Variants in IL1RAPL2 observed in about 807,000 individuals in gnomAD.
IL1RAPL2 encodes interleukin 1 receptor accessory protein like 2.
Under a neutral mutation model 44.1 loss-of-function variants are expected in IL1RAPL2, and 3 were observed. The observed-to-expected ratio is 0.07, with a 90% CI of 0.03 to 0.18. The LOEUF is 0.18. Ranked by LOEUF, IL1RAPL2 falls within the 10% of genes least tolerant of loss-of-function variation. The pLI is 1.00. For synonymous variants in IL1RAPL2, 181 were observed against 178.8 expected (o/e 1.01, Z -0.10); for missense variants, 391 against 496.4 (o/e 0.79, Z 2.02).
intron 5 of IL1RAPL2, among the ~76,000 whole-genome samples, chrX:105,447,670 T>TAA (rs1204478989): frequency 1.2e-5 from 1 of 80,531 alleles, no homozygotes; most frequent in African/African-American, 5.1e-5. Flanking sequence ...AATATAAATA[T>TAA]ATATAAATAT....
At position 104,784,583 on chromosome X, in the gene IL1RAPL2, G is replaced by A. The variant is rs768049615; in HGVS notation, c.82+125588G>A. 3.6e-5 allele frequency among the ~76,000 whole-genome samples: 4 copies of A among 110,852 alleles called. No individual in the cohort carries two copies. The East Asian group carries it at 1.1e-3, about 31-fold the overall frequency. Reference sequence around the variant, plus strand: ...GTTCAATATATAGTTAATGCTGGTGGAAGCTTCTGAGTAGAAGGTAGACTC... The same window carrying A: ...GTTCAATATATAGTTAATGCTGGTGAAAGCTTCTGAGTAGAAGGTAGACTC... On this transcript the variant is annotated intron_variant, in intron 2 of 10. Transcript: ENST00000372582.
intron 2 of IL1RAPL2, among the ~76,000 whole-genome samples, chrX:104,950,340 G>A (rs898063790): frequency 7.1e-5 from 8 of 112,270 alleles, no homozygotes; most frequent in Admixed American, 1.9e-4. Context: ...ATCTCCAGCT[G>A]CGTGCTGGGA....
chrX:105,736,207 A>G (rs2038447254), intron 7 of IL1RAPL2, among the ~76,000 whole-genome samples: 1 of 111,609 alleles, frequency 9.0e-6, no homozygotes, highest in Admixed American at 9.6e-5. Context: ...TACACCATAT[A>G]CAAAGATCAA....
At chrX:105,092,320 T>G (rs1431452280) in intron 2 of IL1RAPL2, among the ~76,000 whole-genome samples, 1 of 111,588 alleles carries the variant, frequency 9.0e-6, no homozygotes, top group Non-Finnish European at 1.9e-5. Flanking sequence ...GCTATCATAC[T>G]CATAGTTATG....
chrX:105,344,976 T>C (rs756439489), intron 5 of IL1RAPL2, among the ~76,000 whole-genome samples: 9 of 111,849 alleles, frequency 8.0e-5, no homozygotes, highest in Non-Finnish European at 1.5e-4. Flanking sequence ...AAAGATGGCT[T>C]TCCCCTCGAA....
At chrX:104,573,431 TA>T (rs778587704) in intron 1 of IL1RAPL2, among the ~76,000 whole-genome samples, 10 of 112,329 alleles carry the variant, frequency 8.9e-5, no homozygotes, top group Non-Finnish European at 1.7e-4. Flanking sequence ...GAGTAAGTTC[TA>T]CTGGACAGCA....
chrX:105,647,317 C>T (rs928556734), intron 6 of IL1RAPL2, among the ~76,000 whole-genome samples: 1 of 111,669 alleles, frequency 9.0e-6, no homozygotes, highest in African/African-American at 3.3e-5. Context: ...TATGCAGTTT[C>T]AAGATTTAAT....
chrX:105,628,046 G>C (rs2037465622), intron 6 of IL1RAPL2, among the ~76,000 whole-genome samples: 1 of 111,615 alleles, frequency 9.0e-6, no homozygotes, highest in African/African-American at 3.3e-5. Context: ...GGATGAGGTG[G>C]GGATGGGAGG....
chrX:104,837,549 C>A (rs1457617770), intron 2 of IL1RAPL2, among the ~76,000 whole-genome samples: 1 of 111,654 alleles, frequency 9.0e-6, no homozygotes, highest in Non-Finnish European at 1.9e-5. Context: ...CTGTTCATAT[C>A]CTTTGCCCAC....
At chrX:104,674,765 C>G (rs1425227532) in intron 2 of IL1RAPL2, among the ~76,000 whole-genome samples, 2 of 110,548 alleles carry the variant, frequency 1.8e-5, no homozygotes, top group Admixed American at 9.6e-5. Context: ...ATTATTGCCA[C>G]AATTTCAGAT....
chrX:104,674,455 T>G (rs1483089426), intron 2 of IL1RAPL2, among the ~76,000 whole-genome samples: 1 of 112,033 alleles, frequency 8.9e-6, no homozygotes, highest in Non-Finnish European at 1.9e-5. Flanking sequence ...GCCCACTTGA[T>G]CATGGTGGAT....
At chrX:105,600,239 T>A (rs1355969870) in intron 6 of IL1RAPL2, among the ~76,000 whole-genome samples, 1 of 111,094 alleles carries the variant, frequency 9.0e-6, no homozygotes, top group Non-Finnish European at 1.9e-5. Context: ...TTGTTTACAG[T>A]TTATCAATAT....
intron 8 of IL1RAPL2, among the ~76,000 whole-genome samples, chrX:105,745,125 C>T (rs942282037): frequency 1.8e-5 from 2 of 111,318 alleles, no homozygotes; most frequent in Admixed American, 9.6e-5. Flanking sequence ...GGGGCCTGTT[C>T]CTCATTTTTG....
chrX:104,990,122 A>G (rs900760900), intron 2 of IL1RAPL2, among the ~76,000 whole-genome samples: 8 of 112,032 alleles, frequency 7.1e-5, no homozygotes, highest in Middle Eastern at 4.2e-3. Context: ...GCCCTATTAA[A>G]TCCTACCTCT....
intron 2 of IL1RAPL2, among the ~76,000 whole-genome samples, chrX:104,947,186 A>G (rs1250690389): frequency 8.9e-6 from 1 of 111,775 alleles, no homozygotes; most frequent in African/African-American, 3.3e-5. Context: ...GCATGTTTTC[A>G]TGTGTTTTTT....
chrX:104,935,596 C>T (rs1026839633), intron 2 of IL1RAPL2, among the ~76,000 whole-genome samples: 4 of 111,903 alleles, frequency 3.6e-5, no homozygotes, highest in African/African-American at 1.3e-4. Context: ...GACTTCTAGC[C>T]GAGGCTTTCC....
intron 3 of IL1RAPL2, among the ~76,000 whole-genome samples, chrX:105,212,812 T>C (rs2147620728): frequency 8.9e-6 from 1 of 112,007 alleles, no homozygotes; most frequent in Admixed American, 9.4e-5. Flanking sequence ...TCCTGCAGCC[T>C]CCACTGGTGA....
chrX:105,693,283 T>C (rs1265536795), intron 6 of IL1RAPL2, among the ~76,000 whole-genome samples: 2 of 112,048 alleles, frequency 1.8e-5, no homozygotes, highest in African/African-American at 6.5e-5. Context: ...TGAAATGTGA[T>C]TGCCAATGTT....
intron 2 of IL1RAPL2, among the ~76,000 whole-genome samples, chrX:104,948,731 T>C (rs1925471130): frequency 9.1e-6 from 1 of 110,164 alleles, no homozygotes; most frequent in South Asian, 4.1e-4. Context: ...TATTGATTTG[T>C]GTATGTTGAA....
Sources: gnomAD v4.1 joint callset for allele counts (sites outside exome capture counted in the v4.1 genomes callset) on GRCh38, gnomAD v4.1.1 for gene constraint, MANE v1.5 for transcripts, NCBI Gene and HGNC (gene_info 2026-07-23, HGNC 2026-07-21) for gene names.